Variants in STK3 observed in about 807,000 individuals in gnomAD.
The protein encoded by STK3 is serine/threonine kinase 3, also known as serine/threonine-protein kinase 3.
A neutral mutation model predicts 58.0 loss-of-function variants in STK3; 41 were observed. The observed-to-expected ratio is 0.71, with a 90% CI of 0.55 to 0.92. The LOEUF is 0.92. Ranked by LOEUF, STK3 falls within the 40% of genes least tolerant of loss-of-function variation. The probability of loss-of-function intolerance (pLI) is 0.00; values close to 1 mark genes in which losing one functional copy is unlikely to be tolerated. For missense variants in STK3, 479 were observed against 602.7 expected, an observed-to-expected ratio of 0.79 and a Z score of 2.15; for synonymous variants, 170 against 191.0, an observed-to-expected ratio of 0.89 and a Z score of 0.91.
At chr8:98,595,180 T>C (rs1295994171) in intron 7 of STK3, 2 of 152,208 alleles carry the variant, frequency 1.3e-5, no homozygotes, top group Admixed American at 6.5e-5. Flanking sequence ...CTGGCATCTA[T>C]GGAGATTGAG....
At chr8:98,667,313 CA>C (rs1822438144) in intron 6 of STK3, among the ~76,000 whole-genome samples, 1 of 151,870 alleles carries the variant, frequency 6.6e-6, no homozygotes, top group African/African-American at 2.4e-5. Context: ...TTTCAAAAAC[CA>C]GGGTGGTCTA....
intron 6 of STK3, among the ~76,000 whole-genome samples, chr8:98,693,010 G>C (rs1464276981): frequency 1.3e-5 from 2 of 152,080 alleles, no homozygotes; most frequent in African/African-American, 2.4e-5. Context: ...GAAAGCAGAA[G>C]ATCATCCTGG....
intron 4 of STK3, among the ~76,000 whole-genome samples, chr8:98,746,866 C>T (rs578234647): frequency 1.2e-4 from 18 of 151,830 alleles, no homozygotes; most frequent in African/African-American, 4.1e-4. Flanking sequence ...AGCCAGACCC[C>T]ATCTCTACAA....
At chr8:98,458,603 T>A (rs1346260797) in intron 10 of STK3, among the ~76,000 whole-genome samples, 1 of 152,178 alleles carries the variant, frequency 6.6e-6, no homozygotes, top group Non-Finnish European at 1.5e-5. Flanking sequence ...AATCTCATCA[T>A]GAATTGTAAT....
At chr8:98,706,847 C>T (rs984739538) in intron 5 of STK3, among the ~76,000 whole-genome samples, 1 of 152,110 alleles carries the variant, frequency 6.6e-6, no homozygotes, top group African/African-American at 2.4e-5. Flanking sequence ...TCCACACTAC[C>T]ATCATTAAAC....
At chr8:98,588,606 A>C (rs1489877012) in intron 7 of STK3, among the ~76,000 whole-genome samples, 3 of 151,960 alleles carry the variant, frequency 2.0e-5, no homozygotes, top group Admixed American at 6.6e-5. Flanking sequence ...GAGTATCTTT[A>C]TGGCGTTCTC....
At chr8:98,589,620 C>T (rs1423995372) in intron 7 of STK3, among the ~76,000 whole-genome samples, 1 of 152,266 alleles carries the variant, frequency 6.6e-6, no homozygotes, top group East Asian at 1.9e-4. Context: ...CTGTGGTGGG[C>T]TCCACCCAGT....
intron 6 of STK3, among the ~76,000 whole-genome samples, chr8:98,658,129 G>C (rs1254084769): frequency 6.6e-6 from 1 of 151,840 alleles, no homozygotes; most frequent in Non-Finnish European, 1.5e-5. Context: ...ATATGAATTT[G>C]TATGATGGCA....
At chr8:98,615,625 T>C (rs201939792) in intron 6 of STK3, among the ~76,000 whole-genome samples, 152 of 40,114 alleles carry the variant, frequency 3.8e-3, no homozygotes, top group Admixed American at 0.026. Flanking sequence ...AAGGAGCTGA[T>C]GGAGCTGAAA....
chr8:98,419,088 C>T (rs576146350), intron 3 of STK3, among the ~76,000 whole-genome samples: 11 of 152,320 alleles, frequency 7.2e-5, no homozygotes, highest in African/African-American at 2.4e-4. Context: ...TGGCTAGGTA[C>T]GGTGGCTCAC....
chr8:98,431,694 C>T (rs1485992678), intron 3 of STK3: 1 of 166,980 alleles, frequency 6.0e-6, no homozygotes, highest in East Asian at 1.9e-4. Flanking sequence ...GAAGGCTTAC[C>T]ACCAAAAAAG....
At chr8:98,463,136 C>T (rs922331302) in intron 10 of STK3, 1 of 152,132 alleles carries the variant, frequency 6.6e-6, no homozygotes, top group African/African-American at 2.4e-5. Context: ...GAACCTAAAA[C>T]AGTTTCCTTG....
chr8:98,611,004 T>C (rs935530055), intron 6 of STK3, among the ~76,000 whole-genome samples: 2 of 152,136 alleles, frequency 1.3e-5, no homozygotes, highest in Non-Finnish European at 2.9e-5. Context: ...AATCCAGTCA[T>C]ATCTAATAGA....
At chr8:98,404,584 GC>G (rs1817975338) in intron 3 of STK3, among the ~76,000 whole-genome samples, 1 of 151,230 alleles carries the variant, frequency 6.6e-6, no homozygotes, top group South Asian at 2.1e-4. Context: ...GGAGGCTGAG[GC>G]AGGAGAATGG....
chr8:98,873,125 C>T (rs1837440705), intron 3 of STK3, among the ~76,000 whole-genome samples: 1 of 152,112 alleles, frequency 6.6e-6, no homozygotes, highest in Non-Finnish European at 1.5e-5. Context: ...GCAGGTTGTT[C>T]AGTTTCCATG....
Position 98,923,677 on chromosome 8 carries a change from A to C in STK3, c.-79+18701T>G, listed in dbSNP as rs1014154722. Among the ~76,000 whole-genome samples, 4 of 152,166 alleles carry C rather than the reference A, an allele frequency of 2.6e-5. No homozygotes were observed. The East Asian group carries it at 7.7e-4, about 29-fold the overall frequency. On this transcript the variant is annotated intron_variant, in intron 1 of 1. Coordinates refer to the STK3 transcript ENST00000519420. ...CAAGGGTGAATGGTCACTCAACCAG[A>C]GATATAAATAAGATGGAATACCCTT...
chr8:98,458,309 A>G (rs572123371), intron 10 of STK3, among the ~76,000 whole-genome samples: 50 of 152,274 alleles, frequency 3.3e-4, no homozygotes, highest in African/African-American at 1.2e-3. Flanking sequence ...CCAATCCATG[A>G]GCATGGGATG....
chr8:98,769,159 G>C (rs1831133509), intron 2 of STK3, among the ~76,000 whole-genome samples: 1 of 152,224 alleles, frequency 6.6e-6, no homozygotes, highest in Admixed American at 6.5e-5. Context: ...TAGCAATATA[G>C]TTTTTGGTAG....
At chr8:98,398,109 A>C (rs1563592199), downstream of STK3, among the ~76,000 whole-genome samples, 1 of 152,106 alleles carries the variant, frequency 6.6e-6, no homozygotes, top group Admixed American at 6.5e-5. Context: ...TGGCAGGAAA[A>C]CCTGCTGCCA....
Sources: gnomAD v4.1 joint callset for allele counts (sites outside exome capture counted in the v4.1 genomes callset) on GRCh38, gnomAD v4.1.1 for gene constraint, MANE v1.5 for transcripts, NCBI Gene and HGNC (gene_info 2026-07-23, HGNC 2026-07-21) for gene names.